ACSM3: variants seen among roughly 807,000 people sequenced by gnomAD.
ACSM3 encodes acyl-CoA synthetase medium chain family member 3, also known as acyl-coenzyme A synthetase ACSM3, mitochondrial.
Under a neutral mutation model 74.1 loss-of-function variants are expected in ACSM3, and 61 were observed. That is an observed-to-expected ratio of 0.82 (90% confidence interval 0.67 to 1.02). The LOEUF (loss-of-function observed/expected upper bound fraction) is 1.02. Ranked by LOEUF, ACSM3 falls within the 50% of genes least tolerant of loss-of-function variation. The pLI is 0.00. For synonymous variants in ACSM3, 213 were observed against 241.5 expected (o/e 0.88, Z 1.09); for missense variants, 660 against 697.0 (o/e 0.95, Z 0.60).
chr16:20,723,207 A>G (rs1328766498), intron 1 of ACSM3, among the ~76,000 whole-genome samples: 3 of 152,324 alleles, frequency 2.0e-5, no homozygotes, highest in African/African-American at 7.2e-5. Context: ...TACAAAGGAC[A>G]TGAACTCATC....
Position 20,747,718 on chromosome 16 carries a change from G to C in ACSM3, c.-189-2192G>C, listed in dbSNP as rs551330907. Among the ~76,000 whole-genome samples the C allele has an allele frequency of 1.6e-4, 25 of 152,334 alleles. No individual in the cohort carries two copies. In the South Asian group the frequency reaches 5.2e-3, roughly 32 times the overall value. On this transcript the variant is annotated intron_variant, in intron 1 of 3. Coordinates refer to the ACSM3 transcript ENST00000561584. ...CAATGGTGGCATCTCAGTTTAATAAGTTACAGAAAGATAATTCCATTTACC... is the reference window on the plus strand; with the variant it reads ...CAATGGTGGCATCTCAGTTTAATAACTTACAGAAAGATAATTCCATTTACC...
intron 1 of ACSM3, among the ~76,000 whole-genome samples, chr16:20,685,861 C>T (rs2152322430): frequency 7.1e-6 from 1 of 140,364 alleles, no homozygotes; most frequent in African/African-American, 2.6e-5. Context: ...AAACTTATAG[C>T]ATCAGGAGAG....
chr16:20,683,473 G>A (rs1771058142), intron 1 of ACSM3, among the ~76,000 whole-genome samples: 1 of 151,454 alleles, frequency 6.6e-6, no homozygotes, highest in Admixed American at 6.6e-5. Flanking sequence ...CTCTCTCCAG[G>A]AAAACACCAC....
chr16:20,685,742 C>A (rs566577570), intron 1 of ACSM3, among the ~76,000 whole-genome samples: 1 of 149,470 alleles, frequency 6.7e-6, no homozygotes, highest in East Asian at 1.9e-4. Context: ...ATTGCTTGAA[C>A]CCAGGAGGCA....
chr16:20,774,795 T>G (rs2080236130), intron 2 of ACSM3, among the ~76,000 whole-genome samples: 1 of 152,188 alleles, frequency 6.6e-6, no homozygotes, highest in Non-Finnish European at 1.5e-5. Context: ...GCAGTAGCAG[T>G]GGTAAGCCTC....
At chr16:20,714,280 A>G (rs146046792) in intron 1 of ACSM3, among the ~76,000 whole-genome samples, 11 of 151,846 alleles carry the variant, frequency 7.2e-5, no homozygotes, top group African/African-American at 2.7e-4. Context: ...AGAACAAAAT[A>G]TGGAGATAGA....
Position 20,682,368 on chromosome 16 carries a change from C to T in ACSM3, c.-190+7546C>T, listed in dbSNP as rs1436475874. On this transcript the variant is annotated intron_variant, in intron 1 of 3. Transcript: ENST00000561584. ...ATGGAGTCCACCTCTGAGGCAAGGG[C>T]ATCTATGGTCACAATGCCCTTGGCT... The T allele has an allele frequency of 1.9e-6, 3 of 1,614,076 alleles. 1 individual carries two copies. In the South Asian group the frequency reaches 3.3e-5, roughly 18 times the overall value.
intron 1 of ACSM3, among the ~76,000 whole-genome samples, chr16:20,768,443 G>A (rs1243949036): frequency 1.3e-5 from 2 of 152,202 alleles, no homozygotes; most frequent in African/African-American, 2.4e-5. Flanking sequence ...AGTGGGGCCT[G>A]AGAATGTGCA....
At chr16:20,687,240 G>A (rs997478528) in intron 1 of ACSM3, among the ~76,000 whole-genome samples, 3 of 152,082 alleles carry the variant, frequency 2.0e-5, no homozygotes, top group Non-Finnish European at 4.4e-5. Context: ...GTAACAGGCT[G>A]TGCAAAAACA....
At chr16:20,778,283 G>A (rs1034534777) in intron 4 of ACSM3, among the ~76,000 whole-genome samples, 2 of 152,212 alleles carry the variant, frequency 1.3e-5, no homozygotes, top group Non-Finnish European at 2.9e-5. Flanking sequence ...GCCAGGTACT[G>A]GTTATGCCTT....
chr16:20,684,316 G>A (rs961943597), intron 1 of ACSM3, among the ~76,000 whole-genome samples: 6 of 152,102 alleles, frequency 3.9e-5, no homozygotes, highest in East Asian at 1.9e-4. Flanking sequence ...TCACACAATC[G>A]CTTAAGGATC....
chr16:20,710,890 G>C (rs573939968), intron 1 of ACSM3, among the ~76,000 whole-genome samples: 25 of 152,250 alleles, frequency 1.6e-4, no homozygotes, highest in African/African-American at 6.0e-4. Flanking sequence ...TTCGACACCA[G>C]CCTGGCCAAC....
At position 20,767,256 on chromosome 16, in the gene ACSM3, G is replaced by A. The variant is rs1229931859; in HGVS notation, c.-51-2728G>A. Among the ~76,000 whole-genome samples the A allele has an allele frequency of 1.2e-4, 2 of 16,008 alleles. 1 individual carries two copies. The highest frequency in any genetic ancestry group is 3.9e-4 in the Non-Finnish European group (2 of 5,070). The allele number at this position is 16,008 out of a possible 152,430, so 10.5% of individuals were successfully genotyped here. A position where few individuals can be genotyped will look rare whatever the true frequency, so the allele number is the denominator to read the frequency against. On this transcript the variant is annotated intron_variant, in intron 1 of 13. Coordinates refer to ENST00000289416, the MANE Select transcript of ACSM3 (RefSeq NM_005622.4). ...ACCGGGGCCGGGCGCGGTGGCTCAC[G>A]CCTGTAATCCCAGCACTTTGGGAGG...
intron 1 of ACSM3, chr16:20,743,650 T>G (rs934262712): frequency 2.6e-5 from 4 of 152,202 alleles, no homozygotes; most frequent in African/African-American, 9.7e-5. Context: ...TCCAAAAATT[T>G]TATCATCTTA....
In ACSM3 at chr16:20,786,103, G is replaced by A. The variant is rs1596530686; in HGVS notation, c.1169G>A (p.Gly390Glu). 6.3e-7 allele frequency: 1 copy of A among 1,598,368 alleles called. No individual in the cohort carries two copies. The highest frequency in any genetic ancestry group is 2.3e-5 in the East Asian group (1 of 44,184). ...GTGCTAATCTGTGGAAATTTTAAGGGAATGAAAATTAAACCTGGCTCAATG... is the reference window on the plus strand; with the variant it reads ...GTGCTAATCTGTGGAAATTTTAAGGAAATGAAAATTAAACCTGGCTCAATG... Reference protein sequence around the residue: ...ETVLICGNFKGMKIKPGSMGK... With the variant: ...ETVLICGNFKEMKIKPGSMGK... The change falls in exon 9 of 14, where the codon GGA (glycine) becomes GAA (glutamate). Residue 390 changes from glycine to glutamate, a missense_variant. Coordinates refer to ENST00000289416, the MANE Select transcript of ACSM3 (RefSeq NM_005622.4).
chr16:20,727,488 T>TA, intron 1 of ACSM3: 1 of 389,770 alleles, frequency 2.6e-6, no homozygotes, highest in Non-Finnish European at 5.1e-6. Flanking sequence ...GGGCAACATT[T>TA]ATGTTTAGTA....
chr16:20,738,627 C>A, intron 1 of ACSM3: 1 of 406,958 alleles, frequency 2.5e-6, no homozygotes, highest in Non-Finnish European at 4.4e-6. Context: ...GTAGCAGCTG[C>A]CCCTTATTTA....
intron 1 of ACSM3, among the ~76,000 whole-genome samples, chr16:20,704,781 G>C (rs1484864876): frequency 6.6e-6 from 1 of 152,174 alleles, no homozygotes; most frequent in African/African-American, 2.4e-5. Flanking sequence ...GAGTATAAAA[G>C]TATAGAGTAT....
At chr16:20,785,715 G>C (rs1160355751) in intron 8 of ACSM3, among the ~76,000 whole-genome samples, 1 of 152,114 alleles carries the variant, frequency 6.6e-6, no homozygotes, top group Non-Finnish European at 1.5e-5. Context: ...TCTTTATAAT[G>C]CTTCAATTTA....
Sources: gnomAD v4.1 joint callset for allele counts (sites outside exome capture counted in the v4.1 genomes callset) on GRCh38, gnomAD v4.1.1 for gene constraint, MANE v1.5 for transcripts, NCBI Gene and HGNC (gene_info 2026-07-23, HGNC 2026-07-21) for gene names.